Variants in KCNAB1 observed in about 807,000 individuals in gnomAD.
KCNAB1 encodes potassium voltage-gated channel subfamily A regulatory beta subunit 1, also known as voltage-gated potassium channel subunit beta-1.
Under a neutral mutation model 64.6 loss-of-function variants are expected in KCNAB1, and 35 were observed. That is an observed-to-expected ratio of 0.54 (90% CI 0.41 to 0.72). The LOEUF is 0.72. Ranked by LOEUF, KCNAB1 falls within the 30% of genes least tolerant of loss-of-function variation. The pLI is 0.00. For synonymous variants in KCNAB1, 177 were observed against 183.8 expected (o/e 0.96, Z 0.30); for missense variants, 401 against 512.9 (o/e 0.78, Z 2.11).
intron 1 of KCNAB1, among the ~76,000 whole-genome samples, chr3:156,288,654 A>G (rs1395596733): frequency 6.6e-6 from 1 of 152,180 alleles, no homozygotes; most frequent in Non-Finnish European, 1.5e-5. Flanking sequence ...CCCATGTGGT[A>G]TCAGATCTGA....
At chr3:156,171,340 T>C (rs565857206) in intron 1 of KCNAB1, among the ~76,000 whole-genome samples, 100 of 152,338 alleles carry the variant, frequency 6.6e-4, no homozygotes, top group African/African-American at 2.4e-3. Flanking sequence ...TGTCATTGAA[T>C]AATTGCTTTC....
At chr3:156,472,151 C>G (rs537752565) in intron 7 of KCNAB1, among the ~76,000 whole-genome samples, 4 of 152,024 alleles carry the variant, frequency 2.6e-5, no homozygotes, top group African/African-American at 7.2e-5. Flanking sequence ...TAGTAACAGT[C>G]GCTTCACTTC....
chr3:156,120,227 A>C (rs1331025926), upstream of KCNAB1, among the ~76,000 whole-genome samples: 1 of 152,140 alleles, frequency 6.6e-6, no homozygotes, highest in Non-Finnish European at 1.5e-5. Flanking sequence ...ATCTTTTATA[A>C]CTCTAACATG....
chr3:156,132,472 G>A (rs747981927), intron 1 of KCNAB1, among the ~76,000 whole-genome samples: 1 of 152,168 alleles, frequency 6.6e-6, no homozygotes, highest in African/African-American at 2.4e-5. Flanking sequence ...GGCTGGATGA[G>A]GCTCTTGGCA....
intron 1 of KCNAB1, among the ~76,000 whole-genome samples, chr3:156,363,392 C>T (rs928678484): frequency 3.3e-5 from 5 of 152,032 alleles, no homozygotes; most frequent in South Asian, 2.1e-4. Flanking sequence ...CGTACTCATT[C>T]ACAAATAATC....
intron 1 of KCNAB1, among the ~76,000 whole-genome samples, chr3:156,363,927 C>T (rs1381596427): frequency 6.6e-6 from 1 of 152,222 alleles, no homozygotes. Context: ...ACCATTTCCA[C>T]TGTAGCCACT....
chr3:156,445,937 C>T (rs1711516924), intron 2 of KCNAB1: 1 of 152,072 alleles, frequency 6.6e-6, no homozygotes, highest in Non-Finnish European at 1.5e-5. Flanking sequence ...CATAAGGAAA[C>T]AAGAAATCAA....
chr3:156,204,256 C>T (rs866875582), intron 1 of KCNAB1, among the ~76,000 whole-genome samples: 5 of 152,158 alleles, frequency 3.3e-5, no homozygotes, highest in Non-Finnish European at 5.9e-5. Flanking sequence ...CCAGGTGGGG[C>T]GGGACTGAGA....
chr3:156,474,563 C>T, intron 7 of KCNAB1, 171 bp from the exon 8 acceptor site: 1 of 465,962 alleles, frequency 2.1e-6, no homozygotes, highest in Non-Finnish European at 3.9e-6. Flanking sequence ...GTCAGCCTTT[C>T]ATATATTTTT....
At chr3:156,209,346 G>A (rs1714873623) in intron 1 of KCNAB1, among the ~76,000 whole-genome samples, 1 of 152,206 alleles carries the variant, frequency 6.6e-6, no homozygotes, top group South Asian at 2.1e-4. Flanking sequence ...CTGGTATTTT[G>A]TTTGCAGTTT....
At chr3:156,354,140 ATATGTG>A (rs1725070319) in intron 1 of KCNAB1, among the ~76,000 whole-genome samples, 1 of 141,956 alleles carries the variant, frequency 7.0e-6, no homozygotes, top group African/African-American at 2.6e-5. Context: ...ATATATATAT[ATATGTG>A]TATATATATA....
intron 1 of KCNAB1, among the ~76,000 whole-genome samples, chr3:156,278,465 A>C (rs62286215): frequency 0.032 from 4,935 of 152,246 alleles, 291 homozygotes; most frequent in South Asian, 0.24. Context: ...CTTTCCTTTG[A>C]AATGAGATAA....
At chr3:156,431,873 G>A (rs917068031) in intron 2 of KCNAB1, among the ~76,000 whole-genome samples, 2 of 152,174 alleles carry the variant, frequency 1.3e-5, no homozygotes, top group Non-Finnish European at 2.9e-5. Flanking sequence ...TAGGCAAGAG[G>A]ACTGCAGAAG....
chr3:156,120,690 T>TC lies in KCNAB1; in HGVS notation c.80dup (p.Val28CysfsTer16). ...CAAGTTAAGGAGACAGTCTGGGTTT[T>TC]CTGTAGCAGGGAAAGACAAATCTCC... On this transcript the variant is annotated frameshift_variant, in exon 1 of 14. Transcript: ENST00000490337. LOFTEE classifies it high-confidence loss of function. 1 of 1,614,246 alleles carries TC rather than the reference T, an allele frequency of 6.2e-7. No homozygotes were observed. The highest frequency in any genetic ancestry group is 8.5e-7 in the Non-Finnish European group (1 of 1,180,048).
At position 156,250,706 on chromosome 3, in the gene KCNAB1, T is replaced by C. The variant is rs149849560; in HGVS notation, c.275+129820T>C. Among the ~76,000 whole-genome samples the C allele has an allele frequency of 1.3e-3, 194 of 152,254 alleles. No homozygotes were observed. In the South Asian group the frequency reaches 0.016, roughly 13 times the overall value. On this transcript the variant is annotated intron_variant, in intron 1 of 13. Coordinates refer to ENST00000490337, the MANE Select transcript of KCNAB1 (RefSeq NM_172160.3). ...TAGAAGGGGTGTCCTCTCTGATGAT[T>C]GGGTGGCCTCAGGAGATGATGTGGA...
chr3:156,315,773 C>T (rs1441251695), intron 1 of KCNAB1, among the ~76,000 whole-genome samples: 1 of 152,096 alleles, frequency 6.6e-6, no homozygotes, highest in East Asian at 1.9e-4. Flanking sequence ...ATAGATATGT[C>T]TTGTTACACA....
At chr3:156,268,587 C>T (rs1015454889) in intron 1 of KCNAB1, among the ~76,000 whole-genome samples, 3 of 152,126 alleles carry the variant, frequency 2.0e-5, no homozygotes, top group Non-Finnish European at 2.9e-5. Flanking sequence ...GATGATATCT[C>T]GTTGTTGTTT....
intron 1 of KCNAB1, among the ~76,000 whole-genome samples, chr3:156,391,078 G>A (rs1490882705): frequency 2.0e-5 from 3 of 152,128 alleles, no homozygotes; most frequent in Admixed American, 2.0e-4. Context: ...CTCCAGGGGA[G>A]GGGTATTTAA....
At chr3:156,257,707 G>A (rs957545421) in intron 1 of KCNAB1, among the ~76,000 whole-genome samples, 2 of 152,148 alleles carry the variant, frequency 1.3e-5, no homozygotes, top group Non-Finnish European at 2.9e-5. Context: ...CACAAAGACT[G>A]CCTTCCATCC....
Sources: allele counts gnomAD v4.1 joint callset (sites outside exome capture counted in the v4.1 genomes callset), GRCh38; gene constraint gnomAD v4.1.1; transcripts MANE v1.5; gene names NCBI Gene and HGNC (gene_info 2026-07-23, HGNC 2026-07-21).